The following PALM2AKAP2 variants were observed in gnomAD, a reference collection of about 807,000 sequenced individuals.
PALM2AKAP2 encodes the protein PALM2 and AKAP2 fusion.
A neutral mutation model predicts 71.5 loss-of-function variants in PALM2AKAP2; 37 were observed. The observed-to-expected ratio is 0.52, with a 90% CI of 0.40 to 0.68. The LOEUF (loss-of-function observed/expected upper bound fraction) is 0.68, where lower values mean the gene tolerates loss of function less well. Ranked by LOEUF, PALM2AKAP2 falls within the 30% of genes least tolerant of loss-of-function variation. The probability of loss-of-function intolerance (pLI) is 0.00; values close to 1 mark genes in which losing one functional copy is unlikely to be tolerated. For synonymous variants in PALM2AKAP2, 468 were observed against 478.8 expected (o/e 0.98, Z 0.29); for missense variants, 1,224 against 1,191.8 (o/e 1.03, Z -0.40).
At chr9:109,792,054 G>T (rs1176919807) in intron 1 of PALM2AKAP2, among the ~76,000 whole-genome samples, 1 of 152,140 alleles carries the variant, frequency 6.6e-6, no homozygotes, top group African/African-American at 2.4e-5. Flanking sequence ...GGGAATGGGG[G>T]CTGGGGGGTT....
chr9:109,808,535 TG>T (rs1827640122), intron 1 of PALM2AKAP2, among the ~76,000 whole-genome samples: 1 of 152,238 alleles, frequency 6.6e-6, no homozygotes, highest in African/African-American at 2.4e-5. Flanking sequence ...CACAAATATA[TG>T]GTTTGGAATT....
At chr9:110,028,965 C>CT (rs1401311846) in intron 7 of PALM2AKAP2, among the ~76,000 whole-genome samples, 1 of 147,126 alleles carries the variant, frequency 6.8e-6, no homozygotes, top group African/African-American at 2.5e-5. Context: ...AAAAAAAAGA[C>CT]TTTTTTCATT....
At chr9:109,937,063 T>C (rs1831236430) in intron 6 of PALM2AKAP2, among the ~76,000 whole-genome samples, 1 of 152,180 alleles carries the variant, frequency 6.6e-6, no homozygotes, top group Non-Finnish European at 1.5e-5. Flanking sequence ...TTCCCTCTTC[T>C]CTAGGCTCCC....
At chr9:110,046,915 C>T (rs1023181676), upstream of PALM2AKAP2, among the ~76,000 whole-genome samples, 15 of 147,736 alleles carry the variant, frequency 1.0e-4, no homozygotes, top group African/African-American at 3.8e-4. Flanking sequence ...TAAAATTCTT[C>T]CTTAGAGAGT....
At chr9:109,761,492 A>T (rs1043675681) in intron 1 of PALM2AKAP2, among the ~76,000 whole-genome samples, 1 of 152,170 alleles carries the variant, frequency 6.6e-6, no homozygotes, top group Non-Finnish European at 1.5e-5. Context: ...CCCTGCATAC[A>T]TTAGGTATTT....
At chr9:109,916,501 G>A (rs947539178) in intron 3 of PALM2AKAP2, among the ~76,000 whole-genome samples, 2 of 152,230 alleles carry the variant, frequency 1.3e-5, no homozygotes, top group Non-Finnish European at 1.5e-5. Context: ...AGCGCAGGCT[G>A]TGACCCAAAA....
chr9:109,771,415 T>C (rs931147763), intron 1 of PALM2AKAP2, among the ~76,000 whole-genome samples: 1 of 152,164 alleles, frequency 6.6e-6, no homozygotes, highest in African/African-American at 2.4e-5. Flanking sequence ...TGTCAAGTTC[T>C]CTGGGGAGGA....
chr9:109,726,551 T>C (rs1480977303), intron 1 of PALM2AKAP2, among the ~76,000 whole-genome samples: 3 of 152,252 alleles, frequency 2.0e-5, no homozygotes, highest in Non-Finnish European at 4.4e-5. Context: ...AACAAATCTC[T>C]TTCCTGCTTA....
intron 7 of PALM2AKAP2, among the ~76,000 whole-genome samples, chr9:110,026,478 A>G (rs1184481716): frequency 6.6e-6 from 1 of 152,174 alleles, no homozygotes; most frequent in Non-Finnish European, 1.5e-5. Flanking sequence ...TAAAACAGAT[A>G]TAACATTTAC....
chr9:110,128,230 T>C (rs1835659033), intron 1 of PALM2AKAP2, among the ~76,000 whole-genome samples: 1 of 152,220 alleles, frequency 6.6e-6, no homozygotes, highest in Non-Finnish European at 1.5e-5. Flanking sequence ...TGCATTTGCC[T>C]TCATGCTGGA....
chr9:110,022,565 T>A (rs552172331), intron 7 of PALM2AKAP2, among the ~76,000 whole-genome samples: 17 of 149,986 alleles, frequency 1.1e-4, no homozygotes, highest in East Asian at 9.7e-4. Context: ...TTTTTCTTTA[T>A]TTTTATTTTA....
chr9:109,790,094 A>G (rs889792453), intron 1 of PALM2AKAP2, among the ~76,000 whole-genome samples: 1 of 152,208 alleles, frequency 6.6e-6, no homozygotes, highest in African/African-American at 2.4e-5. Context: ...GGGGAAAGAA[A>G]AGCCATGTGA....
intron 1 of PALM2AKAP2, among the ~76,000 whole-genome samples, chr9:109,685,449 T>G (rs1028293804): frequency 5.3e-5 from 8 of 152,158 alleles, no homozygotes; most frequent in African/African-American, 1.9e-4. Flanking sequence ...CACACAAGTT[T>G]TTTTTGGTTT....
chr9:109,821,461 C>T (rs927769950), intron 1 of PALM2AKAP2, among the ~76,000 whole-genome samples: 1 of 152,188 alleles, frequency 6.6e-6, no homozygotes, highest in Non-Finnish European at 1.5e-5. Flanking sequence ...AACTGAGCTA[C>T]TGGGGTCTAC....
chr9:109,765,369 CTAG>C (rs1226490423), intron 1 of PALM2AKAP2: 4 of 152,226 alleles, frequency 2.6e-5, no homozygotes, highest in Admixed American at 2.6e-4. Flanking sequence ...GAGTTAAATA[CTAG>C]TAAGAAGAGT....
intron 1 of PALM2AKAP2, among the ~76,000 whole-genome samples, chr9:109,818,081 C>T (rs765170932): frequency 1.3e-5 from 2 of 152,142 alleles, no homozygotes; most frequent in Non-Finnish European, 2.9e-5. Flanking sequence ...GAGGGAATTT[C>T]TTAGCATGTG....
intron 3 of PALM2AKAP2, among the ~76,000 whole-genome samples, chr9:109,915,464 C>A (rs775458378): frequency 2.6e-5 from 4 of 152,160 alleles, no homozygotes; most frequent in Non-Finnish European, 5.9e-5. Flanking sequence ...GGCAAGTGGT[C>A]ATGGGAGGAT....
At chr9:109,792,057 G>T (rs550046836) in intron 1 of PALM2AKAP2, among the ~76,000 whole-genome samples, 2 of 152,232 alleles carry the variant, frequency 1.3e-5, no homozygotes, top group Middle Eastern at 3.4e-3. Context: ...AATGGGGGCT[G>T]GGGGGTTGGT....
intron 1 of PALM2AKAP2, among the ~76,000 whole-genome samples, chr9:110,128,667 G>A (rs144774979): frequency 1.3e-5 from 2 of 152,348 alleles, no homozygotes; most frequent in African/African-American, 2.4e-5. Context: ...TAGGCTAGGA[G>A]CCTAGGAGGT....
Sources: allele counts gnomAD v4.1 joint callset (sites outside exome capture counted in the v4.1 genomes callset), GRCh38; gene constraint gnomAD v4.1.1; transcripts MANE v1.5; gene names NCBI Gene and HGNC (gene_info 2026-07-23, HGNC 2026-07-21).